TNR: variants seen among roughly 807,000 people sequenced by gnomAD.
TNR encodes the protein tenascin R, also known as tenascin-R.
Under a neutral mutation model 150.4 loss-of-function variants are expected in TNR, and 45 were observed. The ratio of observed to expected loss-of-function variants is 0.30; its 90% confidence interval spans 0.24 to 0.38. The LOEUF is 0.38. TNR is among the 10% of genes least tolerant of loss of function. The pLI, the probability that TNR is intolerant of heterozygous loss-of-function variation, is 1.00. For missense variants in TNR, 1,544 were observed against 1,759.1 expected, an observed-to-expected ratio of 0.88 and a Z score of 2.19; for synonymous variants, 687 against 678.4, an observed-to-expected ratio of 1.01 and a Z score of -0.20.
At chr1:175,662,748 G>T (rs1031850755) in intron 1 of TNR, among the ~76,000 whole-genome samples, 5 of 152,172 alleles carry the variant, frequency 3.3e-5, no homozygotes, top group African/African-American at 1.2e-4. Context: ...TGGGTGTGGG[G>T]GGCAGCGTAG....
intron 20 of TNR, among the ~76,000 whole-genome samples, chr1:175,331,003 T>TTCTTTCTTTCTTTCTTTCTTTCTTTC (rs1557867103): frequency 8.6e-4 from 23 of 26,636 alleles, no homozygotes; most frequent in South Asian, 1.6e-3. Context: ...TGGTGATTCT[T>TTCTTTCTTTCTTTCTTTCTTTCTTTC]TCTTTCTTTC....
intron 1 of TNR, among the ~76,000 whole-genome samples, chr1:175,689,023 G>A (rs1398832313): frequency 2.0e-5 from 3 of 152,248 alleles, no homozygotes; most frequent in Non-Finnish European, 4.4e-5. Flanking sequence ...GGGGCTCCCA[G>A]TCTAGTGAGG....
chr1:175,693,665 G>A (rs948937993), intron 1 of TNR, among the ~76,000 whole-genome samples: 3 of 152,142 alleles, frequency 2.0e-5, no homozygotes, highest in African/African-American at 7.2e-5. Context: ...TCTAAAATTT[G>A]CCACATAGGA....
chr1:175,657,986 G>A (rs558756343), intron 1 of TNR, among the ~76,000 whole-genome samples: 1 of 150,244 alleles, frequency 6.7e-6, no homozygotes, highest in African/African-American at 2.5e-5. Flanking sequence ...GGACAAGCAA[G>A]AGCAACCCCC....
chr1:175,693,357 C>T (rs1160986100), intron 1 of TNR, among the ~76,000 whole-genome samples: 1 of 152,164 alleles, frequency 6.6e-6, no homozygotes, highest in African/African-American at 2.4e-5. Context: ...TGTGTGGCAT[C>T]AAATTAACCA....
intron 2 of TNR, among the ~76,000 whole-genome samples, chr1:175,425,569 TA>T (rs1654933022): frequency 6.6e-6 from 1 of 152,094 alleles, no homozygotes; most frequent in Non-Finnish European, 1.5e-5. Flanking sequence ...TTGGTTTTTA[TA>T]AAAATCTATG....
chr1:175,455,786 G>A (rs1656549654), intron 2 of TNR, among the ~76,000 whole-genome samples: 1 of 152,156 alleles, frequency 6.6e-6, no homozygotes, highest in African/African-American at 2.4e-5. Flanking sequence ...TCCTTGTCAG[G>A]CCCTCCTAAA....
chr1:175,685,188 A>G (rs1291029559), intron 1 of TNR, among the ~76,000 whole-genome samples: 1 of 151,674 alleles, frequency 6.6e-6, no homozygotes, highest in Non-Finnish European at 1.5e-5. Context: ...AGATCTTTTC[A>G]CCTTTTTGTC....
At chr1:175,473,388 C>T (rs886242762) in intron 2 of TNR, among the ~76,000 whole-genome samples, 1 of 152,172 alleles carries the variant, frequency 6.6e-6, no homozygotes, top group Non-Finnish European at 1.5e-5. Flanking sequence ...ATTTTAAAAA[C>T]CAGTATTGCC....
rs575664790 is a variant in TNR at position 175,564,679 on chromosome 1, G to A, written c.-164-36310C>T. ...AATGTTTATTTGGGGTGGTTTTTGG[G>A]GAGGGGAGGTCAGCTGGAGACTGGG... is the stretch of plus-strand genomic sequence containing the variant. On this transcript the variant is annotated intron_variant, in intron 1 of 22. Coordinates refer to ENST00000367674, the MANE Select transcript of TNR (RefSeq NM_003285.3). Among the ~76,000 whole-genome samples the A allele has an allele frequency of 6.4e-4, 98 of 152,212 alleles. 1 individual carries two copies. Among genetic ancestry groups the A allele is most frequent in the African/African-American group, 2.3e-3 (94 of 41,530 alleles).
intron 1 of TNR, among the ~76,000 whole-genome samples, chr1:175,624,870 A>T (rs1333728680): frequency 6.6e-6 from 1 of 152,094 alleles, no homozygotes; most frequent in Non-Finnish European, 1.5e-5. Context: ...CTATTTCACC[A>T]TGGGGTCACT....
chr1:175,684,274 G>A (rs1021334988), intron 1 of TNR, among the ~76,000 whole-genome samples: 2 of 152,118 alleles, frequency 1.3e-5, no homozygotes, highest in African/African-American at 4.8e-5. Context: ...CCCTGTGTTA[G>A]GTGCTACAGT....
At chr1:175,323,607 AAGGCCG>A in intron 22 of TNR, 131 bp from the exon 23 acceptor site, 1 of 1,298,210 alleles carries the variant, frequency 7.7e-7, no homozygotes. Context: ...ATGAAGCTTC[AAGGCCG>A]AGTTCCCAAT....
intron 1 of TNR, among the ~76,000 whole-genome samples, chr1:175,669,197 T>C (rs1054566238): frequency 6.6e-6 from 1 of 152,208 alleles, no homozygotes; most frequent in African/African-American, 2.4e-5. Context: ...TGGTAAAGCA[T>C]GTGAAAGATT....
At chr1:175,479,928 G>C (rs1439879057) in intron 2 of TNR, among the ~76,000 whole-genome samples, 2 of 152,082 alleles carry the variant, frequency 1.3e-5, no homozygotes, top group Non-Finnish European at 2.9e-5. Flanking sequence ...GAATTCTGGA[G>C]AGATTCTAGA....
intron 2 of TNR, among the ~76,000 whole-genome samples, chr1:175,482,408 C>A (rs1212287435): frequency 6.6e-6 from 1 of 152,156 alleles, no homozygotes; most frequent in Non-Finnish European, 1.5e-5. Context: ...TTAATTTTAT[C>A]CATGTTAGTT....
At chr1:175,555,916 A>G (rs1438801085) in intron 1 of TNR, among the ~76,000 whole-genome samples, 1 of 152,188 alleles carries the variant, frequency 6.6e-6, no homozygotes, top group African/African-American at 2.4e-5. Flanking sequence ...CCAGCTTTAC[A>G]TGAATCTGTT....
chr1:175,462,809 A>T lies in TNR; in HGVS notation c.-63-56032T>A, dbSNP rs75931710. Among the ~76,000 whole-genome samples the T allele has an allele frequency of 4.6e-5, 7 of 152,336 alleles. No individual in the cohort carries two copies. In the East Asian group the frequency reaches 1.3e-3, roughly 29 times the overall value. On this transcript the variant is annotated intron_variant, in intron 2 of 22. Coordinates refer to ENST00000367674, the MANE Select transcript of TNR (RefSeq NM_003285.3). ...CCCTTCCACCACCACCCACAGACATACAGCAACAAGACAAGGCCAGCTGGT... is the reference window on the plus strand; with the variant it reads ...CCCTTCCACCACCACCCACAGACATTCAGCAACAAGACAAGGCCAGCTGGT...
At chr1:175,552,582 A>C (rs1235294369) in intron 1 of TNR, among the ~76,000 whole-genome samples, 2 of 152,188 alleles carry the variant, frequency 1.3e-5, no homozygotes, top group East Asian at 3.9e-4. Context: ...ACTCCAAACT[A>C]TCTGCTACTT....
Sources: allele counts gnomAD v4.1 joint callset (sites outside exome capture counted in the v4.1 genomes callset), GRCh38; gene constraint gnomAD v4.1.1; transcripts MANE v1.5; gene names NCBI Gene and HGNC (gene_info 2026-07-23, HGNC 2026-07-21).